Variants in SLC24A4 observed in about 807,000 individuals in gnomAD.
The protein encoded by SLC24A4 is solute carrier family 24 member 4.
A neutral mutation model predicts 79.0 loss-of-function variants in SLC24A4; 53 were observed. The observed-to-expected ratio is 0.67, with a 90% CI of 0.54 to 0.84. The LOEUF (loss-of-function observed/expected upper bound fraction) is 0.84, where lower values mean the gene tolerates loss of function less well. SLC24A4 is among the 40% of genes least tolerant of loss of function. The pLI is 0.00. For missense variants in SLC24A4, 731 were observed against 822.0 expected (o/e 0.89, Z 1.35); for synonymous variants, 323 against 323.8 (o/e 1.00, Z 0.03).
chr14:92,338,293 T>A (rs1885933218), intron 2 of SLC24A4, among the ~76,000 whole-genome samples: 1 of 152,252 alleles, frequency 6.6e-6, no homozygotes, highest in Non-Finnish European at 1.5e-5. Flanking sequence ...TGATGTGGTT[T>A]GCCCTACAGG....
chr14:92,456,541 G>A lies in SLC24A4; in HGVS notation c.1188G>A (p.Pro396=), dbSNP rs754076513. 34 of 1,613,774 alleles carry A rather than the reference G, an allele frequency of 2.1e-5. No homozygotes were observed. In the Admixed American group the frequency reaches 2.2e-4, roughly 10 times the overall value. ...DPQQNQEQQP[P]PQPPPPEPEP... ...AGCAGAATCAGGAGCAGCAGCCGCCGCCACAGCCACCACCGCCAGAGCCAG... is the reference window on the plus strand; with the variant it reads ...AGCAGAATCAGGAGCAGCAGCCGCCACCACAGCCACCACCGCCAGAGCCAG... Residue 396 remains proline, a synonymous_variant, in exon 12 of 17, where the codon CCG becomes CCA. Transcript: ENST00000532405.
intron 8 of SLC24A4, among the ~76,000 whole-genome samples, chr14:92,446,022 C>G (rs576563495): frequency 6.6e-6 from 1 of 152,300 alleles, no homozygotes; most frequent in East Asian, 1.9e-4. Flanking sequence ...CATAGTGAGA[C>G]CCCGTCCCCC....
rs1566767065 is a variant in SLC24A4 at position 92,439,524 on chromosome 14, C to G, written c.393+115C>G. On this transcript the variant is annotated intron_variant, in intron 4 of 16. Coordinates refer to ENST00000532405, the MANE Select transcript of SLC24A4 (RefSeq NM_153646.4). ...GGAGCATGCTGGTGGCAAAGACTGT[C>G]ACACCGAGCACTTAGTGTCTGCCCC... 57 of 931,714 alleles carry G rather than the reference C, an allele frequency of 6.1e-5. No homozygotes were observed. The East Asian group carries it at 1.4e-3, about 23-fold the overall frequency. The allele number at this position is 931,714 out of a possible 1,614,324, so 57.7% of individuals were successfully genotyped here.
intron 12 of SLC24A4, among the ~76,000 whole-genome samples, chr14:92,471,277 C>T (rs1894427931): frequency 6.6e-6 from 1 of 152,156 alleles, no homozygotes; most frequent in Non-Finnish European, 1.5e-5. Context: ...CTAGCAGGGA[C>T]AAGGAGGACA....
At chr14:92,455,616 G>GT (rs974317470) in intron 11 of SLC24A4, among the ~76,000 whole-genome samples, 20 of 152,200 alleles carry the variant, frequency 1.3e-4, no homozygotes, top group African/African-American at 4.8e-4. Context: ...TGGAGTAGGG[G>GT]TATGTAGACT....
chr14:92,416,230 C>T (rs1272952841), intron 2 of SLC24A4, among the ~76,000 whole-genome samples: 1 of 151,888 alleles, frequency 6.6e-6, no homozygotes, highest in Non-Finnish European at 1.5e-5. Context: ...GTGAAGAATC[C>T]ACTATAGGTA....
intron 8 of SLC24A4, among the ~76,000 whole-genome samples, chr14:92,446,567 C>T (rs1892809366): frequency 6.6e-6 from 1 of 152,186 alleles, no homozygotes; most frequent in Non-Finnish European, 1.5e-5. Context: ...TGCTGTGTGG[C>T]CCCAGGAAAG....
intron 10 of SLC24A4, among the ~76,000 whole-genome samples, chr14:92,449,970 C>T (rs527356735): frequency 1.3e-5 from 2 of 152,362 alleles, no homozygotes; most frequent in South Asian, 4.1e-4. Context: ...GACCAGGCGG[C>T]TCCCTTTGTT....
Position 92,431,829 on chromosome 14 carries a change from A to G in SLC24A4, c.242-2083A>G, listed in dbSNP as rs1413137258. Among the ~76,000 whole-genome samples the G allele has an allele frequency of 2.6e-5, 4 of 152,032 alleles. No homozygotes were observed. The South Asian group carries it at 6.2e-4, about 24-fold the overall frequency. Reference sequence around the variant, plus strand: ...GATGTGACCAGGTTCGCACAAGCTCATGCGTAGTCGAGCTAGGACTCCAGT... The same window carrying G: ...GATGTGACCAGGTTCGCACAAGCTCGTGCGTAGTCGAGCTAGGACTCCAGT... On this transcript the variant is annotated intron_variant, in intron 2 of 16. Coordinates refer to ENST00000532405, the MANE Select transcript of SLC24A4 (RefSeq NM_153646.4).
intron 2 of SLC24A4, among the ~76,000 whole-genome samples, chr14:92,374,419 G>A (rs112069227): frequency 0.015 from 2,354 of 152,310 alleles, 72 homozygotes; most frequent in Admixed American, 0.09. Context: ...AATGGTATGC[G>A]AACAGTCAGT....
At chr14:92,413,126 A>T (rs1890810811) in intron 2 of SLC24A4, among the ~76,000 whole-genome samples, 1 of 152,136 alleles carries the variant, frequency 6.6e-6, no homozygotes, top group African/African-American at 2.4e-5. Flanking sequence ...TCTTTCCAGG[A>T]AGACGTTTGC....
At chr14:92,361,267 G>T (rs1887499497) in intron 2 of SLC24A4, among the ~76,000 whole-genome samples, 1 of 142,072 alleles carries the variant, frequency 7.0e-6, no homozygotes. Context: ...AATGTTCCCT[G>T]TCCTAGCTAA....
intron 2 of SLC24A4, among the ~76,000 whole-genome samples, chr14:92,343,648 C>CTTT (rs1886332733): frequency 1.8e-3 from 246 of 139,618 alleles, no homozygotes; most frequent in African/African-American, 5.6e-3. Flanking sequence ...TTCTCTCTTT[C>CTTT]CTTCTTTCCT....
chr14:92,358,350 T>G (rs56691294), intron 2 of SLC24A4, among the ~76,000 whole-genome samples: 34,692 of 152,048 alleles, frequency 0.23, 6,589 homozygotes, highest in African/African-American at 0.52. Context: ...ATGTCATGCG[T>G]GTAGGTTTGG....
intron 2 of SLC24A4, among the ~76,000 whole-genome samples, chr14:92,396,043 C>G (rs1889754513): frequency 6.6e-6 from 1 of 152,172 alleles, no homozygotes; most frequent in South Asian, 2.1e-4. Context: ...CCAGGCTGGT[C>G]TTGAACTCCT....
At chr14:92,439,138 T>C (rs370830617) in intron 3 of SLC24A4, among the ~76,000 whole-genome samples, 197 bp from the exon 4 acceptor site, 1 of 152,222 alleles carries the variant, frequency 6.6e-6, no homozygotes, top group Non-Finnish European at 1.5e-5. Context: ...GCATGTTATC[T>C]CCTCTCTGGG....
intron 2 of SLC24A4, among the ~76,000 whole-genome samples, chr14:92,382,308 GAAC>G (rs1475216824): frequency 1.3e-5 from 2 of 152,178 alleles, no homozygotes; most frequent in African/African-American, 4.8e-5. Context: ...TCTGAAGTCA[GAAC>G]AGCCTTGCTC....
In SLC24A4 at chr14:92,499,321, G is replaced by A. The variant is rs1445944602; in HGVS notation, c.*5693G>A. 1 of 152,192 alleles carries A rather than the reference G, an allele frequency of 6.6e-6. No individual in the cohort carries two copies. The highest frequency in any genetic ancestry group is 2.4e-5 in the African/African-American group (1 of 41,438). 9.4% of individuals were successfully genotyped at this position (152,192 alleles called of 1,614,324 possible). A position where few individuals can be genotyped will look rare whatever the true frequency, so the allele number is the denominator to read the frequency against. Reference sequence around the variant, plus strand: ...CTGCTGCTGGGATACCCTGGTACCAGGATTTGAGGGCCACGGGTGGCATCT... The same window carrying A: ...CTGCTGCTGGGATACCCTGGTACCAAGATTTGAGGGCCACGGGTGGCATCT... On this transcript the variant is annotated 3_prime_UTR_variant, in exon 17 of 17. Coordinates refer to ENST00000532405, the MANE Select transcript of SLC24A4 (RefSeq NM_153646.4).
At position 92,351,236 on chromosome 14, in the gene SLC24A4, G is replaced by GCGCGCGCACACACACACACACACACA. The variant is rs112120101; in HGVS notation, c.241+25259_241+25260insGCGCGCACACACACACACACACACAC. On this transcript the variant is annotated intron_variant, in intron 2 of 16. Transcript: ENST00000532405. ...CTCTCTTTCACACACACACATACAC[G>GCGCGCGCACACACACACACACACACA]CACACACACACACACACACACAAAA... 1.3e-3 allele frequency among the ~76,000 whole-genome samples: 188 copies of GCGCGCGCACACACACACACACACACA among 147,070 alleles called. 1 individual carries two copies. The highest frequency in any genetic ancestry group is 3.6e-3 in the Admixed American group (53 of 14,656).
Sources: allele counts gnomAD v4.1 joint callset (sites outside exome capture counted in the v4.1 genomes callset), GRCh38; gene constraint gnomAD v4.1.1; transcripts MANE v1.5; gene names NCBI Gene and HGNC (gene_info 2026-07-23, HGNC 2026-07-21).